The following ANKS1A variants were observed in gnomAD, a reference collection of about 807,000 sequenced individuals.
ANKS1A encodes the protein ankyrin repeat and SAM domain-containing protein 1A.
ANKS1A carries 55 observed loss-of-function variants against 120.3 expected under a neutral mutation model. The observed-to-expected ratio is 0.46, with a 90% CI of 0.37 to 0.57. The LOEUF (loss-of-function observed/expected upper bound fraction) is 0.57. ANKS1A is among the 20% of genes least tolerant of loss of function. ANKS1A has a pLI of 0.00. For synonymous variants in ANKS1A, 590 were observed against 604.7 expected, an observed-to-expected ratio of 0.98 and a Z score of 0.36; for missense variants, 1,123 against 1,480.3, an observed-to-expected ratio of 0.76 and a Z score of 3.96.
chr6:35,081,883 G>A (rs115124614), intron 17 of ANKS1A, among the ~76,000 whole-genome samples: 14 of 152,300 alleles, frequency 9.2e-5, no homozygotes, highest in Non-Finnish European at 1.6e-4. Flanking sequence ...GTCAGACACA[G>A]GATTAGCAGG....
Position 35,090,974 on chromosome 6 carries a change from TC to T in ANKS1A, c.*2368del. On this transcript the variant is annotated 3_prime_UTR_variant, in exon 24 of 24. Transcript: ENST00000360359. ...TCCAGCGTCAGACACTAATGGGAGT[TC>T]CCGAGATGCTCGGGTTTGAGCAGGG... The T allele has an allele frequency of 2.0e-6, 2 of 985,866 alleles. No individual in the cohort carries two copies. Among genetic ancestry groups the T allele is most frequent in the Middle Eastern group, 1.0e-3 (2 of 1,914 alleles). 61.1% of individuals were successfully genotyped at this position (985,866 alleles called of 1,614,324 possible). A position where few individuals can be genotyped will look rare whatever the true frequency, so the allele number is the denominator to read the frequency against.
rs1355580423 is a variant in ANKS1A at position 34,920,151 on chromosome 6, A to G, written c.197+30552A>G. Among the ~76,000 whole-genome samples, 5 of 152,158 alleles carry G rather than the reference A, an allele frequency of 3.3e-5. No homozygotes were observed. In the South Asian group the frequency reaches 6.2e-4, roughly 19 times the overall value. ...AGTGGGTCTGCTTGCCTGTTTTGTC[A>G]TAAGTAAGGAGGTTTAAAATTGTGT... On this transcript the variant is annotated intron_variant, in intron 1 of 23. Coordinates refer to ENST00000360359, the MANE Select transcript of ANKS1A (RefSeq NM_015245.3).
intron 10 of ANKS1A, among the ~76,000 whole-genome samples, chr6:35,012,642 G>A (rs1773822361): frequency 6.6e-6 from 1 of 152,168 alleles, no homozygotes; most frequent in Non-Finnish European, 1.5e-5. Context: ...ATGTTGAAGT[G>A]TTATTATTCA....
At chr6:34,914,058 C>T (rs376164088) in intron 1 of ANKS1A, among the ~76,000 whole-genome samples, 3 of 152,166 alleles carry the variant, frequency 2.0e-5, no homozygotes, top group East Asian at 3.8e-4. Context: ...GCTGGGACTA[C>T]AGGTGCCTGC....
chr6:35,018,118 C>G (rs1774142911), intron 11 of ANKS1A, 59 bp downstream of exon 11: 1 of 1,540,148 alleles, frequency 6.5e-7, no homozygotes, highest in Non-Finnish European at 8.8e-7. Flanking sequence ...CAGCCCACCA[C>G]AGCTCCCGTG....
At chr6:35,035,412 A>G (rs1464847263) in intron 11 of ANKS1A, among the ~76,000 whole-genome samples, 2 of 152,258 alleles carry the variant, frequency 1.3e-5, no homozygotes, top group East Asian at 1.9e-4. Flanking sequence ...TTTCTAAAAT[A>G]CACTTCTATT....
In ANKS1A at chr6:35,085,593, G is replaced by C. The variant is rs113169648; in HGVS notation, c.3133-173G>C. ...GGCCACATCCTGTGTAGAGCGGGAA[G>C]AACAACAGAGACCTAGGAAGAGTAA... On this transcript the variant is annotated intron_variant, in intron 21 of 23. Coordinates refer to ENST00000360359, the MANE Select transcript of ANKS1A (RefSeq NM_015245.3). This position sits in a 1 kb window ranked among gnomAD's most constrained non-coding sequence, Gnocchi z 4.7. 0.012 allele frequency among the ~76,000 whole-genome samples: 1,649 copies of C among 139,530 alleles called. 30 individuals carry two copies. Among genetic ancestry groups the C allele is most frequent in the African/African-American group, 0.037 (1,530 of 41,246 alleles). 91.5% of individuals were successfully genotyped at this position (139,530 alleles called of 152,430 possible).
At chr6:34,915,088 A>G (rs1768091653) in intron 1 of ANKS1A, among the ~76,000 whole-genome samples, 1 of 152,270 alleles carries the variant, frequency 6.6e-6, no homozygotes, top group African/African-American at 2.4e-5. Context: ...ATAGAAGACC[A>G]TTCTGTTTGA....
At chr6:34,903,216 C>T (rs1384651744) in intron 1 of ANKS1A, among the ~76,000 whole-genome samples, 2 of 152,136 alleles carry the variant, frequency 1.3e-5, no homozygotes, top group Non-Finnish European at 2.9e-5. Flanking sequence ...TAACTTCTGT[C>T]TTCTGTGTTT....
At chr6:34,897,453 T>C (rs1321803790) in intron 1 of ANKS1A, among the ~76,000 whole-genome samples, 1 of 152,208 alleles carries the variant, frequency 6.6e-6, no homozygotes, top group Non-Finnish European at 1.5e-5. Context: ...TTACTGGGTT[T>C]TTAGCCCAGA....
intron 1 of ANKS1A, among the ~76,000 whole-genome samples, chr6:34,919,705 A>G (rs1768339841): frequency 6.6e-6 from 1 of 152,174 alleles, no homozygotes; most frequent in Admixed American, 6.5e-5. Context: ...GTTCATCTTT[A>G]AAATGGTGGT....
intron 2 of ANKS1A, among the ~76,000 whole-genome samples, chr6:34,967,539 A>C (rs1255924670): frequency 6.4e-5 from 9 of 140,992 alleles, no homozygotes; most frequent in African/African-American, 2.5e-4. Context: ...AAAAAAAAAA[A>C]AATTTTTTTA....
intron 11 of ANKS1A, among the ~76,000 whole-genome samples, chr6:35,022,753 A>G (rs570624295): frequency 1.6e-4 from 25 of 152,360 alleles, no homozygotes; most frequent in African/African-American, 5.5e-4. Context: ...CCCTCCATGC[A>G]TACTTAACCT....
At chr6:35,052,975 G>T (rs1446429391) in intron 11 of ANKS1A, among the ~76,000 whole-genome samples, 1 of 152,174 alleles carries the variant, frequency 6.6e-6, no homozygotes, top group East Asian at 1.9e-4. Flanking sequence ...CGATTCTGTG[G>T]CTGGAGGAAG....
chr6:34,998,933 G>T (rs776885309), intron 10 of ANKS1A, among the ~76,000 whole-genome samples: 1 of 152,218 alleles, frequency 6.6e-6, no homozygotes, highest in African/African-American at 2.4e-5. Context: ...CCCTGCGGGG[G>T]ACTCCAACCA....
chr6:34,929,841 TTCTTTC>T (rs951734257), intron 1 of ANKS1A, among the ~76,000 whole-genome samples: 6 of 149,778 alleles, frequency 4.0e-5, no homozygotes, highest in Non-Finnish European at 7.4e-5. Context: ...CTTTCTCTCT[TTCTTTC>T]TCTTTCTCTC....
At chr6:34,902,103 C>G (rs1361921421) in intron 1 of ANKS1A, among the ~76,000 whole-genome samples, 2 of 152,176 alleles carry the variant, frequency 1.3e-5, no homozygotes, top group Non-Finnish European at 2.9e-5. Context: ...TAAGACTCAG[C>G]TGGAGAATAG....
the ANKS1A span, among the ~76,000 whole-genome samples, chr6:35,097,637 G>GAAAAAAAA: frequency 7.8e-5 from 7 of 89,710 alleles, no homozygotes; most frequent in African/African-American, 9.4e-5. Flanking sequence ...AAAGCCAAAA[G>GAAAAAAAA]AAAAAAAAAA....
At chr6:34,944,126 A>C (rs1231027452) in intron 1 of ANKS1A, among the ~76,000 whole-genome samples, 1 of 152,076 alleles carries the variant, frequency 6.6e-6, no homozygotes, top group Non-Finnish European at 1.5e-5. Flanking sequence ...TACAAAAACA[A>C]AGTTAGCCGG....
Sources: allele counts gnomAD v4.1 joint callset (sites outside exome capture counted in the v4.1 genomes callset), GRCh38; gene constraint gnomAD v4.1.1; non-coding constraint Gnocchi (gnomAD v3.1); transcripts MANE v1.5; gene names NCBI Gene and HGNC (gene_info 2026-07-23, HGNC 2026-07-21).